Variants in SPINDOC observed in about 807,000 individuals in gnomAD.
SPINDOC encodes the protein spindlin interactor and repressor of chromatin-binding protein.
In SPINDOC, 13 loss-of-function variants were observed where a neutral mutation model predicts 30.7. That is an observed-to-expected ratio of 0.42 (90% CI 0.28 to 0.67). The LOEUF is 0.67. Ranked by LOEUF, SPINDOC falls within the 30% of genes least tolerant of loss-of-function variation. The pLI, the probability that SPINDOC is intolerant of heterozygous loss-of-function variation, is 0.22. For synonymous variants in SPINDOC, 228 were observed against 211.4 expected, an observed-to-expected ratio of 1.08 and a Z score of -0.68; for missense variants, 438 against 518.0, an observed-to-expected ratio of 0.85 and a Z score of 1.50.
At position 63,827,276 on chromosome 11, in the gene SPINDOC, C is replaced by T. The variant is rs2015678581; in HGVS notation, c.*137C>T. On this transcript the variant is annotated 3_prime_UTR_variant, in exon 6 of 6. Transcript: ENST00000294244. ...GGGCAGGAGGGGGCTGGGGCAGCATCCACTGTTATTTCGGGGCACTGGAAA... is the reference window on the plus strand; with the variant it reads ...GGGCAGGAGGGGGCTGGGGCAGCATTCACTGTTATTTCGGGGCACTGGAAA... 7.0e-7 allele frequency: 1 copy of T among 1,425,296 alleles called. No homozygotes were observed. Among genetic ancestry groups the T allele is most frequent in the South Asian group, 1.4e-5 (1 of 72,752 alleles). 88.3% of individuals were successfully genotyped at this position (1,425,296 alleles called of 1,614,324 possible).
At chr11:63,825,849 G>C (rs2015642968) in intron 5 of SPINDOC, among the ~76,000 whole-genome samples, 1 of 152,100 alleles carries the variant, frequency 6.6e-6, no homozygotes, top group Admixed American at 6.5e-5. Flanking sequence ...TAAAAACAGG[G>C]TAGAAAAGGA....
chr11:63,817,392 A>G (rs2015369766), intron 1 of SPINDOC, among the ~76,000 whole-genome samples: 1 of 152,166 alleles, frequency 6.6e-6, no homozygotes, highest in Admixed American at 6.5e-5. Flanking sequence ...TACCTTCCTC[A>G]TCCTCAAGAA....
chr11:63,823,192 T>C (rs777792812), intron 5 of SPINDOC: 215 of 1,289,170 alleles, frequency 1.7e-4, no homozygotes, highest in Non-Finnish European at 2.0e-4. Flanking sequence ...GGCGGTTCTT[T>C]GCGGAGCAGA....
At chr11:63,822,606 A>G in intron 5 of SPINDOC, 2 of 1,289,018 alleles carry the variant, frequency 1.6e-6, no homozygotes, top group Non-Finnish European at 1.0e-6. Flanking sequence ...CCCTTCACGT[A>G]GATCACAGTT....
At chr11:63,822,237 T>C (rs532784769) in intron 5 of SPINDOC, among the ~76,000 whole-genome samples, 17 of 151,200 alleles carry the variant, frequency 1.1e-4, no homozygotes, top group Non-Finnish European at 2.1e-4. Context: ...CTACTAAGAC[T>C]AGAGGCTAAG....
chr11:63,821,756 C>T (rs936268578), intron 5 of SPINDOC, among the ~76,000 whole-genome samples: 2 of 152,014 alleles, frequency 1.3e-5, no homozygotes, highest in Non-Finnish European at 2.9e-5. Context: ...AGCAGGTGTG[C>T]TTTTGTTTTT....
intron 5 of SPINDOC, among the ~76,000 whole-genome samples, chr11:63,823,907 TTTTC>T (rs2015591725): frequency 8.3e-6 from 1 of 120,814 alleles, no homozygotes; most frequent in Non-Finnish European, 1.7e-5. Context: ...CTGTTTTTCT[TTTTC>T]TTTTTTTTTT....
chr11:63,825,663 G>T (rs1373202440), intron 5 of SPINDOC, among the ~76,000 whole-genome samples: 1 of 152,154 alleles, frequency 6.6e-6, no homozygotes, highest in Non-Finnish European at 1.5e-5. Flanking sequence ...GGGGTTCAGT[G>T]TTCCTTCAGG....
chr11:63,817,544 T>C lies in SPINDOC; in HGVS notation c.128-261T>C, dbSNP rs142352032. On this transcript the variant is annotated intron_variant, in intron 1 of 5. Transcript: ENST00000294244. ...GGAGACCTGCAAGAATGCAGCCTGT[T>C]GGGAAAGTATGTGTAGTTAGTCCTA... 2.4e-3 allele frequency among the ~76,000 whole-genome samples: 369 copies of C among 152,080 alleles called. 3 individuals are homozygous for C. Among genetic ancestry groups the C allele is most frequent in the African/African-American group, 7.6e-3 (315 of 41,470 alleles).
intron 1 of SPINDOC, among the ~76,000 whole-genome samples, chr11:63,814,505 C>T (rs1394949935): frequency 1.3e-5 from 2 of 152,186 alleles, no homozygotes; most frequent in Admixed American, 1.3e-4. Context: ...CTCCCCTCCC[C>T]CTTCACCGAT....
In SPINDOC at chr11:63,813,537, C is replaced by CGA. The variant is rs1467919845; in HGVS notation, c.-148_-147dup. 1,101 of 602,180 alleles carry CGA rather than the reference C, an allele frequency of 1.8e-3. 7 individuals are homozygous for CGA. In the African/African-American group the frequency reaches 0.019, roughly 11 times the overall value. 37.3% of individuals were successfully genotyped at this position (602,180 alleles called of 1,614,324 possible). A position where few individuals can be genotyped will look rare whatever the true frequency, so the allele number is the denominator to read the frequency against. ...ACGCGCCGGTCGCAGGCCCGGCCGG[C>CGA]GAGCGGCGGGCGGGCGGCGGGGAGG... On this transcript the variant is annotated 5_prime_UTR_variant, in exon 1 of 6. Transcript: ENST00000294244.
At chr11:63,817,373 A>T (rs1184576811) in intron 1 of SPINDOC, among the ~76,000 whole-genome samples, 1 of 152,162 alleles carries the variant, frequency 6.6e-6, no homozygotes, top group Non-Finnish European at 1.5e-5. Context: ...TTTAAAAATT[A>T]AAAGAATTTA....
intron 5 of SPINDOC, among the ~76,000 whole-genome samples, chr11:63,825,491 CT>C (rs1314912576): frequency 2.0e-5 from 3 of 152,188 alleles, no homozygotes; most frequent in African/African-American, 7.2e-5. Flanking sequence ...ATATAACATA[CT>C]GCATTTTTTA....
chr11:63,818,811 C>T lies in SPINDOC; in HGVS notation c.743C>T (p.Ser248Leu), dbSNP rs532939537. The change falls in exon 5 of 6, where the codon TCG becomes TTG. Residue 248 changes from serine to leucine, a missense_variant. Physicochemically the swap from Ser to Leu is moderately radical, Grantham distance 145 (BLOSUM62 -2). This residue lies in a region of SPINDOC where 300 missense variants were observed against 332.8 expected (regional missense o/e 0.90). Transcript: ENST00000294244. The surrounding 1 kb of genome is among the most constrained non-coding windows in gnomAD (Gnocchi z 5.3). ...CCGTCCTCCCTTCCAGAGCCCCCAT[C>T]GCCAGACTCGCCCACGGAGACTTTC... ...KNLDPDPEPP[S>L]PDSPTETFAA... 9.6e-5 allele frequency: 155 copies of T among 1,613,788 alleles called. No homozygotes were observed. The South Asian group carries it at 1.4e-3, about 15-fold the overall frequency.
chr11:63,818,974 C>G lies in SPINDOC; in HGVS notation c.906C>G (p.Gly302=), dbSNP rs1385388495. The part of the protein sequence containing the change: ...SPKDREVAEG[G]LPRAESPSPA... ...AAGACAGGGAAGTGGCAGAAGGAGG[C>G]CTTCCCCGGGCGGAGAGCCCCTCTC... Residue 302 remains glycine, a synonymous_variant, in exon 5 of 6, where the codon GGC becomes GGG. Coordinates refer to ENST00000294244, the MANE Select transcript of SPINDOC (RefSeq NM_138471.3). The surrounding 1 kb of genome is among the most constrained non-coding windows in gnomAD (Gnocchi z 5.3). 6 of 1,613,870 alleles carry G rather than the reference C, an allele frequency of 3.7e-6. No individual in the cohort carries two copies. In the South Asian group the frequency reaches 6.6e-5, roughly 18 times the overall value.
intron 5 of SPINDOC, among the ~76,000 whole-genome samples, chr11:63,821,981 GCAAGCAGTCCTCCCACCTGGGCCTCC>G (rs1271820125): frequency 6.6e-6 from 1 of 152,150 alleles, no homozygotes; most frequent in Admixed American, 6.6e-5. Flanking sequence ...ACTCCTGGGT[GCAAGCAGTCCTCCCACCTGGGCCTCC>G]CAAAGTTCTG....
In SPINDOC at chr11:63,818,869, C is replaced by T. The variant is rs754413369; in HGVS notation, c.801C>T (p.Asp267=). The part of the protein sequence containing the change: ...AAPAEVRHFT[D]GSFPAGFVLQ... ...CAGCCGAGGTCCGACACTTCACTGACGGCAGCTTCCCCGCCGGCTTCGTCT... is the reference window on the plus strand; with the variant it reads ...CAGCCGAGGTCCGACACTTCACTGATGGCAGCTTCCCCGCCGGCTTCGTCT... Residue 267 remains aspartate, a synonymous_variant, in exon 5 of 6, where the codon GAC becomes GAT. Coordinates refer to ENST00000294244, the MANE Select transcript of SPINDOC (RefSeq NM_138471.3). The surrounding 1 kb of genome is among the most constrained non-coding windows in gnomAD (Gnocchi z 5.3). The T allele has an allele frequency of 9.3e-6, 15 of 1,614,000 alleles. No homozygotes were observed. The highest frequency in any genetic ancestry group is 3.3e-5 in the South Asian group (3 of 91,092).
chr11:63,827,218 C>T lies in SPINDOC; in HGVS notation c.*79C>T. Reference sequence around the variant, plus strand: ...TTATAACTCAGAGCTGCCTGGCTCACCCACCTGGTGGAGAGAGTAGAAACA... The same window carrying T: ...TTATAACTCAGAGCTGCCTGGCTCATCCACCTGGTGGAGAGAGTAGAAACA... On this transcript the variant is annotated 3_prime_UTR_variant, in exon 6 of 6. Transcript: ENST00000294244. 1.3e-6 allele frequency: 2 copies of T among 1,556,268 alleles called. No individual in the cohort carries two copies. Among genetic ancestry groups the T allele is most frequent in the South Asian group, 2.4e-5 (2 of 83,590 alleles).
chr11:63,823,359 A>G, intron 5 of SPINDOC: 1 of 1,178,250 alleles, frequency 8.5e-7, no homozygotes, highest in Non-Finnish European at 1.1e-6. Context: ...AGATCCTGCC[A>G]CTTTAAAAAA....
Sources: allele counts gnomAD v4.1 joint callset (sites outside exome capture counted in the v4.1 genomes callset), GRCh38; gene constraint gnomAD v4.1.1; regional missense constraint gnomAD v4.1.1; non-coding constraint Gnocchi (gnomAD v3.1); transcripts MANE v1.5; gene names NCBI Gene and HGNC (gene_info 2026-07-23, HGNC 2026-07-21).